Variants in SH3RF3 observed in about 807,000 individuals in gnomAD.
SH3RF3 encodes the protein E3 ubiquitin-protein ligase SH3RF3.
In SH3RF3, 29 loss-of-function variants were observed where a neutral mutation model predicts 66.3. The ratio of observed to expected loss-of-function variants is 0.44; its 90% confidence interval spans 0.33 to 0.60. SH3RF3 has a LOEUF of 0.60. Ranked by LOEUF, SH3RF3 falls within the 20% of genes least tolerant of loss-of-function variation. The pLI is 0.04. For missense variants in SH3RF3, 1,194 were observed against 1,190.9 expected (o/e 1.00, Z -0.04); for synonymous variants, 583 against 532.0 (o/e 1.10, Z -1.32).
At chr2:109,225,167 A>G (rs528912176) in intron 1 of SH3RF3, among the ~76,000 whole-genome samples, 2 of 152,266 alleles carry the variant, frequency 1.3e-5, no homozygotes, top group African/African-American at 4.8e-5. Flanking sequence ...ATGAGGTTCT[A>G]TGGCTTCTGC....
chr2:109,176,828 A>C (rs1411706907), intron 1 of SH3RF3, among the ~76,000 whole-genome samples: 1 of 152,226 alleles, frequency 6.6e-6, no homozygotes, highest in Non-Finnish European at 1.5e-5. Flanking sequence ...CTTATGTGAC[A>C]CGGCATTGTT....
chr2:109,323,670 T>G (rs1026926746), intron 1 of SH3RF3, among the ~76,000 whole-genome samples: 1 of 152,244 alleles, frequency 6.6e-6, no homozygotes, highest in Admixed American at 6.5e-5. Flanking sequence ...CCAAGCTCCC[T>G]GAGCCTGTGC....
intron 1 of SH3RF3, among the ~76,000 whole-genome samples, chr2:109,206,901 G>A (rs1293825648): frequency 1.3e-5 from 2 of 152,228 alleles, no homozygotes; most frequent in African/African-American, 4.8e-5. Context: ...CCAGTCATGG[G>A]CCATAAGCTT....
At chr2:109,341,102 T>C (rs139080373) in intron 1 of SH3RF3, among the ~76,000 whole-genome samples, 140 of 152,298 alleles carry the variant, frequency 9.2e-4, no homozygotes, top group African/African-American at 3.2e-3. Context: ...TCTTCATCAA[T>C]TCTTGGATGA....
At chr2:109,279,105 A>T (rs1277479845) in intron 1 of SH3RF3, among the ~76,000 whole-genome samples, 1 of 152,182 alleles carries the variant, frequency 6.6e-6, no homozygotes, top group Non-Finnish European at 1.5e-5. Flanking sequence ...TTTTATGGCA[A>T]ATCCACGTAT....
chr2:109,484,544 G>A (rs950838374), intron 8 of SH3RF3, among the ~76,000 whole-genome samples: 7 of 152,016 alleles, frequency 4.6e-5, no homozygotes, highest in Admixed American at 1.3e-4. Flanking sequence ...CTTGAGGCCC[G>A]CCCCCTCCTG....
At position 109,370,902 on chromosome 2, in the gene SH3RF3, G is replaced by A. The variant is rs550177583; in HGVS notation, c.850-684G>A. Among the ~76,000 whole-genome samples the A allele has an allele frequency of 6.6e-5, 10 of 152,306 alleles. No homozygotes were observed. The South Asian group carries it at 2.1e-3, about 32-fold the overall frequency. ...CCATGACTCTAAATAAATGTAGTTGGACTGAGTTATTTTTTTGTTCTTGGA... is the reference window on the plus strand; with the variant it reads ...CCATGACTCTAAATAAATGTAGTTGAACTGAGTTATTTTTTTGTTCTTGGA... On this transcript the variant is annotated intron_variant, in intron 2 of 9. Transcript: ENST00000309415.
chr2:109,283,960 G>T (rs1680957682), intron 1 of SH3RF3, among the ~76,000 whole-genome samples: 1 of 152,160 alleles, frequency 6.6e-6, no homozygotes, highest in Admixed American at 6.5e-5. Flanking sequence ...CCTCCCTCCT[G>T]TCCCCACACC....
chr2:109,475,223 C>T (rs995259963), intron 8 of SH3RF3, among the ~76,000 whole-genome samples: 1 of 152,170 alleles, frequency 6.6e-6, no homozygotes, highest in Non-Finnish European at 1.5e-5. Flanking sequence ...GTGATCCACC[C>T]GCCTCGGCCT....
At chr2:109,386,436 C>T (rs1559055199) in intron 3 of SH3RF3, among the ~76,000 whole-genome samples, 4 of 152,022 alleles carry the variant, frequency 2.6e-5, no homozygotes, top group Admixed American at 1.3e-4. Context: ...AAAAAAAACA[C>T]TGTGGCTGCT....
At chr2:109,147,462 A>G (rs1018899486) in intron 1 of SH3RF3, among the ~76,000 whole-genome samples, 5 of 152,220 alleles carry the variant, frequency 3.3e-5, no homozygotes, top group Admixed American at 1.3e-4. Flanking sequence ...GTGCGTATTT[A>G]TAATTTTCCA....
intron 1 of SH3RF3, among the ~76,000 whole-genome samples, chr2:109,330,674 G>C (rs1682262781): frequency 6.6e-6 from 1 of 152,140 alleles, no homozygotes. Context: ...AGGAGTGATG[G>C]ATGGATGGAT....
chr2:109,469,952 G>A (rs868069999), intron 8 of SH3RF3, among the ~76,000 whole-genome samples: 17 of 152,150 alleles, frequency 1.1e-4, no homozygotes, highest in African/African-American at 2.9e-4. Flanking sequence ...CAGGACATGC[G>A]AGCTATAAGA....
At chr2:109,217,556 G>A (rs879380828) in intron 1 of SH3RF3, among the ~76,000 whole-genome samples, 4 of 152,106 alleles carry the variant, frequency 2.6e-5, no homozygotes, top group Non-Finnish European at 4.4e-5. Context: ...TTGAGCTTCC[G>A]GCAGATTTTT....
At chr2:109,383,812 G>T (rs564478364) in intron 3 of SH3RF3, among the ~76,000 whole-genome samples, 14 of 152,172 alleles carry the variant, frequency 9.2e-5, no homozygotes, top group African/African-American at 2.7e-4. Context: ...GACATCAGCC[G>T]CATTTTCCAG....
rs567914384 is a variant in SH3RF3 at position 109,406,217 on chromosome 2, G to A, written c.1299+7274G>A. On this transcript the variant is annotated intron_variant, in intron 4 of 9. Transcript: ENST00000309415. ...TGTCAGTGCTCTGCTGGGGGAGGGA[G>A]GTTAATCAGAGGAGAGGGAAAGAGG... Among the ~76,000 whole-genome samples the A allele has an allele frequency of 3.3e-5, 5 of 152,268 alleles. No homozygotes were observed. In the East Asian group the frequency reaches 9.7e-4, roughly 29 times the overall value.
chr2:109,407,527 G>A (rs1159575082), intron 4 of SH3RF3, among the ~76,000 whole-genome samples: 1 of 152,174 alleles, frequency 6.6e-6, no homozygotes, highest in Non-Finnish European at 1.5e-5. Flanking sequence ...AGCTGAAGGA[G>A]CTGAAGCAGG....
intron 1 of SH3RF3, among the ~76,000 whole-genome samples, chr2:109,271,261 G>A (rs1680617162): frequency 1.3e-5 from 2 of 152,132 alleles, no homozygotes; most frequent in African/African-American, 4.8e-5. Flanking sequence ...AAAAGCCCTG[G>A]CCCTGCACCC....
At chr2:109,321,059 AC>A (rs146310033) in intron 1 of SH3RF3, among the ~76,000 whole-genome samples, 1,557 of 152,302 alleles carry the variant, frequency 0.01, 31 homozygotes, top group African/African-American at 0.035. Flanking sequence ...TAACTTATAG[AC>A]ATGTAAGTAA....
Sources: allele counts gnomAD v4.1 joint callset (sites outside exome capture counted in the v4.1 genomes callset), GRCh38; gene constraint gnomAD v4.1.1; transcripts MANE v1.5; gene names NCBI Gene and HGNC (gene_info 2026-07-23, HGNC 2026-07-21).